Variants in HECTD4 observed in about 807,000 individuals in gnomAD.
The protein encoded by HECTD4 is HECT domain E3 ubiquitin protein ligase 4.
In HECTD4, 114 loss-of-function variants were observed where a neutral mutation model predicts 471.5. That is an observed-to-expected ratio of 0.24 (90% CI 0.21 to 0.28). The LOEUF (loss-of-function observed/expected upper bound fraction) is 0.28. Among genes scored for constraint, HECTD4 ranks in the 10% least tolerant of loss-of-function variants. The pLI is 1.00. For missense variants in HECTD4, 3,866 were observed against 5,651.5 expected (o/e 0.68, Z 10.13); for synonymous variants, 2,012 against 2,256.0 (o/e 0.89, Z 3.07).
intron 60 of HECTD4, among the ~76,000 whole-genome samples, chr12:112,187,708 G>T (rs188291537): frequency 7.2e-6 from 1 of 138,590 alleles, no homozygotes; most frequent in East Asian, 2.2e-4. Flanking sequence ...CTCACTGTAA[G>T]CTCCGCCTCC....
At chr12:112,180,085 C>A (rs2031609487) in intron 62 of HECTD4, among the ~76,000 whole-genome samples, 2 of 152,230 alleles carry the variant, frequency 1.3e-5, no homozygotes, top group African/African-American at 4.8e-5. Flanking sequence ...GTTCTCCCAG[C>A]AGCCCAGGCC....
chr12:112,192,194 T>G (rs999034336), intron 59 of HECTD4, among the ~76,000 whole-genome samples: 1 of 152,110 alleles, frequency 6.6e-6, no homozygotes, highest in African/African-American at 2.4e-5. Context: ...TGTTGAGAAT[T>G]TGGTTAATGA....
rs747330810 is a variant in HECTD4, at chr12:112,228,229, A to T, written c.6714T>A (p.Thr2238=). 2.2e-5 allele frequency: 35 copies of T among 1,608,716 alleles called. No homozygotes were observed. The highest frequency in any genetic ancestry group is 2.9e-5 in the Non-Finnish European group (34 of 1,178,066). ...ACTGGACTGCCTGTACTACCTTCTCAGTAATGGACAGTTTATGAAGAGGCA... is the reference window on the plus strand; with the variant it reads ...ACTGGACTGCCTGTACTACCTTCTCTGTAATGGACAGTTTATGAAGAGGCA... ...EALPLHKLSI[T]EKVVQAVQSM... is the part of the protein sequence containing the mutation. The change falls in exon 43 of 76, where the codon ACT becomes ACA. Residue 2238 remains threonine (T), a synonymous_variant. Coordinates refer to ENST00000682272, the MANE Select transcript of HECTD4 (RefSeq NM_001388303.1). This position sits in a 1 kb window ranked among gnomAD's most constrained non-coding sequence, Gnocchi z 4.9.
intron 7 of HECTD4, among the ~76,000 whole-genome samples, chr12:112,291,543 C>T (rs973627279): frequency 1.3e-5 from 2 of 151,786 alleles, no homozygotes; most frequent in Non-Finnish European, 2.9e-5. Context: ...CAAGGCCAAC[C>T]TGGGCAACAT....
At chr12:112,316,220 G>A (rs923174195) in intron 2 of HECTD4, among the ~76,000 whole-genome samples, 3 of 151,888 alleles carry the variant, frequency 2.0e-5, no homozygotes, top group Admixed American at 6.6e-5. Context: ...TTTGTCACTC[G>A]CCACTCCATT....
At chr12:112,256,861 GA>G (rs60161988) in intron 20 of HECTD4, 157 of 140,840 alleles carry the variant, frequency 1.1e-3, no homozygotes, top group Non-Finnish European at 1.3e-3. Context: ...AAGGTACTCA[GA>G]AAAAAAAAAA....
At chr12:112,356,022 GGA>G (rs1021778397) in intron 1 of HECTD4, among the ~76,000 whole-genome samples, 2 of 152,006 alleles carry the variant, frequency 1.3e-5, no homozygotes, top group African/African-American at 4.8e-5. Flanking sequence ...TGATAACTGG[GGA>G]GAGTCACTTG....
At chr12:112,342,607 C>T (rs1397569199) in intron 1 of HECTD4, among the ~76,000 whole-genome samples, 2 of 152,258 alleles carry the variant, frequency 1.3e-5, no homozygotes, top group South Asian at 4.1e-4. Context: ...GCTGCTTTTA[C>T]TATCGCATCT....
Position 112,251,025 on chromosome 12 carries a change from A to C in HECTD4, c.3662T>G (p.Ile1221Ser). 6.2e-7 allele frequency: 1 copy of C among 1,613,900 alleles called. No individual in the cohort carries two copies. The highest frequency in any genetic ancestry group is 8.5e-7 in the Non-Finnish European group (1 of 1,179,846). The change falls in exon 24 of 76, where the codon ATT becomes AGT. Residue 1221 changes from isoleucine (I) to serine (S), a missense_variant. Physicochemically the swap from Ile to Ser is moderately radical, Grantham distance 142 (BLOSUM62 -2). This residue lies in a region of HECTD4 where 281 missense variants were observed against 499.9 expected (regional missense o/e 0.56). Transcript: ENST00000682272. ...CTGACAGGCTTCTTCTTCTTTGGTA[A>C]TTTCTGGTCCATTGTACAGGATTCT... Reference protein sequence around the residue: ...MLRILYNGPEITKEEEACQEL... With the variant: ...MLRILYNGPESTKEEEACQEL...
chr12:112,267,121 C>T (rs1370218933), intron 13 of HECTD4, 139 bp from the exon 14 acceptor site: 8 of 613,838 alleles, frequency 1.3e-5, no homozygotes, highest in East Asian at 1.1e-4. Context: ...CCCCATTGAT[C>T]GCTGGGGTTG....
intron 60 of HECTD4, among the ~76,000 whole-genome samples, chr12:112,186,835 T>C (rs2031883538): frequency 6.6e-6 from 1 of 151,028 alleles, no homozygotes; most frequent in African/African-American, 2.4e-5. Context: ...ACCCAGCTAA[T>C]TTTTATATTT....
chr12:112,347,255 A>T (rs897038629), intron 1 of HECTD4, among the ~76,000 whole-genome samples: 11 of 152,146 alleles, frequency 7.2e-5, no homozygotes, highest in African/African-American at 2.7e-4. Flanking sequence ...CATGTCTGTA[A>T]TCCCAGGACT....
In HECTD4 at chr12:112,313,055, G is replaced by A. The variant is rs752183752; in HGVS notation, c.878C>T (p.Ala293Val). Reference protein sequence around the residue: ...VSWGYEDMLPAPDSNTGSSSE... With the variant: ...VSWGYEDMLPVPDSNTGSSSE... ...ACTGGAGCCAGTGTTGCTATCCGGC[G>A]CAGGCAACATGTCTTCATAACCCCA... The change falls in exon 4 of 76, where the codon GCG (alanine) becomes GTG (valine). Residue 293 changes from alanine (A) to valine (V), a missense_variant. Coordinates refer to ENST00000682272, the MANE Select transcript of HECTD4 (RefSeq NM_001388303.1). 45 of 1,535,490 alleles carry A rather than the reference G, an allele frequency of 2.9e-5. No individual in the cohort carries two copies. The highest frequency in any genetic ancestry group is 9.5e-5 in the South Asian group (8 of 84,030).
chr12:112,320,910 G>A (rs761848528), intron 1 of HECTD4, among the ~76,000 whole-genome samples: 4 of 150,224 alleles, frequency 2.7e-5, no homozygotes, highest in South Asian at 2.1e-4. Flanking sequence ...TGCAATGGCC[G>A]ATCTCAGCTC....
chr12:112,283,459 T>C (rs1191286042), intron 7 of HECTD4, among the ~76,000 whole-genome samples, 157 bp from the exon 8 acceptor site: 1 of 152,222 alleles, frequency 6.6e-6, no homozygotes, highest in Middle Eastern at 3.2e-3. Flanking sequence ...TAGAAACTAC[T>C]ACAAACAAAA....
chr12:112,267,541 C>T (rs140028342), intron 13 of HECTD4: 1 of 153,352 alleles, frequency 6.5e-6, no homozygotes, highest in African/African-American at 2.4e-5. Flanking sequence ...CCAATCACTT[C>T]CCTGATAAGT....
rs1393128954 is a variant in HECTD4, at chr12:112,164,220, A to G, written c.12590T>C (p.Leu4197Pro). 6.2e-7 allele frequency: 1 copy of G among 1,613,652 alleles called. No homozygotes were observed. The highest frequency in any genetic ancestry group is 8.5e-7 in the Non-Finnish European group (1 of 1,179,862). The change falls in exon 73 of 76, where the codon CTG becomes CCG. Residue 4197 changes from leucine (L) to proline (P), a missense_variant. By Grantham distance (98) the Leu-to-Pro change is moderately conservative. Around this residue, in one of 16 missense-constraint regions of HECTD4, gnomAD observed 715 missense variants for 1,087.6 expected, o/e 0.66. Coordinates refer to ENST00000682272, the MANE Select transcript of HECTD4 (RefSeq NM_001388303.1). Reference sequence around the variant, plus strand: ...GGGGCTGTCAGGGCTCTCCGTGGCCAGGTGCTGGGAGGCGATCTCAGCGCA... The same window carrying G: ...GGGGCTGTCAGGGCTCTCCGTGGCCGGGTGCTGGGAGGCGATCTCAGCGCA... ...ALCAEIASQHLATESPDSPNK... is the reference protein window; with the variant it reads ...ALCAEIASQHPATESPDSPNK...
At chr12:112,357,450 G>A (rs937812243) in intron 1 of HECTD4, among the ~76,000 whole-genome samples, 2 of 152,174 alleles carry the variant, frequency 1.3e-5, no homozygotes, top group Admixed American at 1.3e-4. Context: ...GATAGCTTGA[G>A]TCTGGGAGGT....
rs2031327391 is a variant in HECTD4 at position 112,173,720 on chromosome 12, G to A, written c.11595-859C>T. On this transcript the variant is annotated intron_variant, in intron 66 of 75. Transcript: ENST00000682272. The surrounding 1 kb of genome is among the most constrained non-coding windows in gnomAD (Gnocchi z 4.3). ...ATTTTTAATTTTTTTTTGTAGAGAT[G>A]GGGTCTCGTTGTGTTGCCCAGGCTG... 6.6e-6 allele frequency among the ~76,000 whole-genome samples: 1 copy of A among 151,448 alleles called. No homozygotes were observed. Among genetic ancestry groups the A allele is most frequent in the African/African-American group, 2.4e-5 (1 of 41,196 alleles).
Sources: allele counts gnomAD v4.1 joint callset (sites outside exome capture counted in the v4.1 genomes callset), GRCh38; gene constraint gnomAD v4.1.1; regional missense constraint gnomAD v4.1.1; non-coding constraint Gnocchi (gnomAD v3.1); transcripts MANE v1.5; gene names NCBI Gene and HGNC (gene_info 2026-07-23, HGNC 2026-07-21).